Variants in CC2D2B observed in about 807,000 individuals in gnomAD.
The protein encoded by CC2D2B is protein CC2D2B.
A neutral mutation model predicts 161.2 loss-of-function variants in CC2D2B; 128 were observed. The ratio of observed to expected loss-of-function variants is 0.79; its 90% confidence interval spans 0.69 to 0.92. CC2D2B has a LOEUF of 0.92. Among genes scored for constraint, CC2D2B ranks in the 40% least tolerant of loss-of-function variants. CC2D2B has a pLI of 0.00. For missense variants in CC2D2B, 1,173 were observed against 1,375.1 expected, an observed-to-expected ratio of 0.85 and a Z score of 2.32; for synonymous variants, 391 against 449.8, an observed-to-expected ratio of 0.87 and a Z score of 1.65.
chr10:95,987,752 A>G (rs2077788892), intron 19 of CC2D2B, among the ~76,000 whole-genome samples: 2 of 152,194 alleles, frequency 1.3e-5, no homozygotes, highest in South Asian at 2.1e-4. Flanking sequence ...CTCACAAACA[A>G]TCTTGTGACA....
chr10:96,006,495 T>C (rs553964270), intron 25 of CC2D2B, among the ~76,000 whole-genome samples: 1 of 152,208 alleles, frequency 6.6e-6, no homozygotes, highest in Admixed American at 6.5e-5. Context: ...ATTTCAGTTT[T>C]ATTACCTTGT....
chr10:95,971,069 A>G (rs185095374), intron 15 of CC2D2B, among the ~76,000 whole-genome samples: 25 of 152,310 alleles, frequency 1.6e-4, no homozygotes, highest in African/African-American at 5.8e-4. Flanking sequence ...ACACAGTATA[A>G]GTCAAAATAA....
At chr10:95,923,339 G>T (rs1284284583) in intron 3 of CC2D2B, among the ~76,000 whole-genome samples, 1 of 152,138 alleles carries the variant, frequency 6.6e-6, no homozygotes, top group African/African-American at 2.4e-5. Flanking sequence ...TCCTGCCTCG[G>T]CCTCCCAAAA....
chr10:95,987,966 T>G (rs540323222), intron 19 of CC2D2B, among the ~76,000 whole-genome samples: 2 of 152,318 alleles, frequency 1.3e-5, no homozygotes, highest in South Asian at 2.1e-4. Context: ...TCCTCTTCAC[T>G]TTTCTAAAAA....
rs555429718 is a variant in CC2D2B, at chr10:95,933,962, CT to C, written c.337-4028del. Among the ~76,000 whole-genome samples, 760 of 152,326 alleles carry C rather than the reference CT, an allele frequency of 5.0e-3. 7 individuals are homozygous for C. The highest frequency in any genetic ancestry group is 0.017 in the African/African-American group (716 of 41,572). ...AGCTGGCAGGCAGGAACGTTTAAGT[CT>C]GCTGAAGCTGTGCCCACAGCCGCCC... On this transcript the variant is annotated intron_variant, in intron 6 of 34. Coordinates refer to ENST00000646931, the MANE Select transcript of CC2D2B (RefSeq NM_001349008.3).
chr10:95,992,407 C>T (rs2077993132), intron 21 of CC2D2B, 120 bp from the exon 22 acceptor site: 2 of 725,162 alleles, frequency 2.8e-6, no homozygotes, highest in Admixed American at 4.3e-5. Flanking sequence ...TTCTGTCTCC[C>T]CTCCATAATG....
intron 32 of CC2D2B, among the ~76,000 whole-genome samples, chr10:96,022,014 G>A (rs1392918930): frequency 6.6e-6 from 1 of 152,132 alleles, no homozygotes; most frequent in African/African-American, 2.4e-5. Flanking sequence ...GAGGGCCCAA[G>A]TGTATAAAGT....
At chr10:95,908,345 C>T (rs915567103) in intron 1 of CC2D2B, among the ~76,000 whole-genome samples, 2 of 152,316 alleles carry the variant, frequency 1.3e-5, no homozygotes, top group Non-Finnish European at 2.9e-5. Context: ...AACACCTTGC[C>T]TTAGTCCTGA....
At chr10:95,957,990 G>T (rs1351139947) in intron 11 of CC2D2B, among the ~76,000 whole-genome samples, 1 of 150,944 alleles carries the variant, frequency 6.6e-6, no homozygotes, top group Non-Finnish European at 1.5e-5. Flanking sequence ...AAAACACAAA[G>T]GTGTACAAAG....
chr10:95,920,751 A>T (rs1012140705), intron 2 of CC2D2B: 1 of 152,236 alleles, frequency 6.6e-6, no homozygotes, highest in Non-Finnish European at 1.5e-5. Flanking sequence ...TTCTTTAGTT[A>T]GCAGATGGTG....
intron 25 of CC2D2B, among the ~76,000 whole-genome samples, chr10:96,005,963 A>G (rs999425490): frequency 6.6e-6 from 1 of 152,122 alleles, no homozygotes; most frequent in Non-Finnish European, 1.5e-5. Flanking sequence ...TTGACTTGCT[A>G]TTATCTACTC....
intron 6 of CC2D2B, among the ~76,000 whole-genome samples, chr10:95,930,941 A>C (rs943434385): frequency 6.6e-6 from 1 of 151,996 alleles, no homozygotes; most frequent in Non-Finnish European, 1.5e-5. Context: ...TATTGTTTGG[A>C]ATGGTTTCAG....
chr10:95,951,587 T>A (rs2076401681), intron 10 of CC2D2B, among the ~76,000 whole-genome samples: 2 of 152,232 alleles, frequency 1.3e-5, no homozygotes, highest in African/African-American at 2.4e-5. Context: ...ATGGCCATTT[T>A]TTAAATGAAT....
rs749792758 is a variant in CC2D2B, at chr10:95,923,945, C to T, written c.98-369C>T. ...CTGAGGTAGGAGAATCGCTTGAACC[C>T]GGGAGGGGGAGGTTGCAGTGAACCA... On this transcript the variant is annotated intron_variant, in intron 3 of 34. Transcript: ENST00000646931. Among the ~76,000 whole-genome samples the T allele has an allele frequency of 1.9e-4, 29 of 152,058 alleles. 1 individual carries two copies. The highest frequency in any genetic ancestry group is 6.8e-3 in the Middle Eastern group (2 of 294).
At position 95,991,412 on chromosome 10, in the gene CC2D2B, T is replaced by C; in HGVS notation, c.2422T>C (p.Cys808Arg). ...GAAGAGAATTGTTAAAATTAGCAAA[T>C]GTAACTTGTCAGATATTGTGAATGA... ...IMKRIVKISK[C>R]NLSDIVNDYE... The change falls in exon 21 of 35, where the codon TGT becomes CGT. Residue 808 changes from cysteine to arginine, a missense_variant. By Grantham distance (180) the Cys-to-Arg change is radical (BLOSUM62 -3). Around this residue, in one of 3 missense-constraint regions of CC2D2B, gnomAD observed 598 missense variants for 693.2 expected, o/e 0.86. Coordinates refer to ENST00000646931, the MANE Select transcript of CC2D2B (RefSeq NM_001349008.3). The C allele has an allele frequency of 8.7e-7, 1 of 1,155,876 alleles. No homozygotes were observed. Among genetic ancestry groups the C allele is most frequent in the Non-Finnish European group, 1.1e-6 (1 of 917,944 alleles). 71.6% of individuals were successfully genotyped at this position (1,155,876 alleles called of 1,614,324 possible). A position where few individuals can be genotyped will look rare whatever the true frequency, so the allele number is the denominator to read the frequency against.
In CC2D2B at chr10:96,012,644, A is replaced by G; in HGVS notation, c.3341A>G (p.Gln1114Arg). 1 of 1,610,834 alleles carries G rather than the reference A, an allele frequency of 6.2e-7. No individual in the cohort carries two copies. Among genetic ancestry groups the G allele is most frequent in the South Asian group, 1.1e-5 (1 of 91,010 alleles). The change falls in exon 28 of 35, where the codon CAG becomes CGG. Residue 1114 changes from glutamine to arginine, a missense_variant. Physicochemically the swap from Gln to Arg is conservative, Grantham distance 43. Coordinates refer to ENST00000646931, the MANE Select transcript of CC2D2B (RefSeq NM_001349008.3). ...VTTVFNDEGIQFLVTRYIKAL... is the reference protein window; with the variant it reads ...VTTVFNDEGIRFLVTRYIKAL... Reference sequence around the variant, plus strand: ...ACTGTTTTTAATGATGAAGGGATACAGTTCTTAGTCACAAGATATATCAAG... The same window carrying G: ...ACTGTTTTTAATGATGAAGGGATACGGTTCTTAGTCACAAGATATATCAAG...
intron 3 of CC2D2B, among the ~76,000 whole-genome samples, chr10:95,922,939 A>T (rs904355313): frequency 8.1e-5 from 12 of 147,912 alleles, no homozygotes; most frequent in African/African-American, 3.0e-4. Flanking sequence ...AGCTGGGACT[A>T]TAGGCATGTA....
intron 26 of CC2D2B, 41 bp downstream of exon 26, chr10:96,009,964 T>C: frequency 7.8e-7 from 1 of 1,274,974 alleles, no homozygotes; most frequent in Non-Finnish European, 1.1e-6. Flanking sequence ...AGTTTTGACC[T>C]CTGGCTCATA....
chr10:95,934,614 C>T lies in CC2D2B; in HGVS notation c.337-3377C>T, dbSNP rs183289782. Among the ~76,000 whole-genome samples the T allele has an allele frequency of 8.5e-5, 13 of 152,208 alleles. No individual in the cohort carries two copies. In the East Asian group the frequency reaches 2.3e-3, roughly 27 times the overall value. On this transcript the variant is annotated intron_variant, in intron 6 of 34. Coordinates refer to ENST00000646931, the MANE Select transcript of CC2D2B (RefSeq NM_001349008.3). ...GAAAAGTGTTCCTCATGGCACAGTC[C>T]CTCAGGGCTTCCCTTGGCTAGGGGA...
Sources: allele counts gnomAD v4.1 joint callset (sites outside exome capture counted in the v4.1 genomes callset), GRCh38; gene constraint gnomAD v4.1.1; regional missense constraint gnomAD v4.1.1; transcripts MANE v1.5; gene names NCBI Gene and HGNC (gene_info 2026-07-23, HGNC 2026-07-21).